The following FBXO28 variants were observed in gnomAD, a reference collection of about 807,000 sequenced individuals.
FBXO28 encodes F-box only protein 28.
In FBXO28, 8 loss-of-function variants were observed where a neutral mutation model predicts 38.1. The observed-to-expected ratio is 0.21, with a 90% CI of 0.12 to 0.38. FBXO28 has a LOEUF of 0.38. Among genes scored for constraint, FBXO28 ranks in the 10% least tolerant of loss-of-function variants. The pLI is 1.00. For synonymous variants in FBXO28, 168 were observed against 173.8 expected (o/e 0.97, Z 0.26); for missense variants, 345 against 460.6 (o/e 0.75, Z 2.30).
At chr1:224,131,450 G>A (rs926703832) in intron 2 of FBXO28, among the ~76,000 whole-genome samples, 2 of 152,156 alleles carry the variant, frequency 1.3e-5, no homozygotes, top group African/African-American at 4.8e-5. Context: ...AATCAAAACA[G>A]TATGGCACTG....
intron 3 of FBXO28, among the ~76,000 whole-genome samples, chr1:224,141,827 G>A (rs936806793): frequency 6.6e-6 from 1 of 152,116 alleles, no homozygotes; most frequent in African/African-American, 2.4e-5. Context: ...TGAGTGGTGA[G>A]TGAATGTGAA....
chr1:224,148,513 T>A (rs1050891389), intron 3 of FBXO28, among the ~76,000 whole-genome samples: 2 of 150,984 alleles, frequency 1.3e-5, no homozygotes, highest in African/African-American at 4.9e-5. Context: ...GAGAAAAAAA[T>A]TCGCCAGGTG....
In FBXO28 at chr1:224,157,676, G is replaced by C. The variant is rs751619060; in HGVS notation, c.1037G>C (p.Arg346Pro). 1 of 1,612,444 alleles carries C rather than the reference G, an allele frequency of 6.2e-7. No homozygotes were observed. Among genetic ancestry groups the C allele is most frequent in the South Asian group, 1.1e-5 (1 of 90,844 alleles). ...SGSGQNEESP[R>P]KRKKATEAID... is the part of the protein sequence containing the mutation. ...TCCGGGCAGAATGAGGAGTCTCCTC[G>C]GAAACGAAAAAAGGCCACGGAAGCC... The change falls in exon 5 of 5, where the codon CGG becomes CCG. Residue 346 changes from arginine to proline, a missense_variant. Coordinates refer to ENST00000366862, the MANE Select transcript of FBXO28 (RefSeq NM_015176.4).
chr1:224,118,942 G>A (rs566259423), intron 1 of FBXO28, among the ~76,000 whole-genome samples: 1 of 152,234 alleles, frequency 6.6e-6, no homozygotes, highest in African/African-American at 2.4e-5. Context: ...AATTCCACTG[G>A]ATACTCGTGA....
intron 3 of FBXO28, among the ~76,000 whole-genome samples, chr1:224,145,070 T>A (rs1454796089): frequency 6.6e-6 from 1 of 151,708 alleles, no homozygotes. Context: ...TCGCTTGAGG[T>A]CAGGCGTTCA....
Position 224,159,357 on chromosome 1 carries a change from G to A in FBXO28, c.*1611G>A, listed in dbSNP as rs182737049. 2.0e-5 allele frequency: 3 copies of A among 151,900 alleles called. No individual in the cohort carries two copies. The highest frequency in any genetic ancestry group is 1.3e-4 in the Admixed American group (2 of 15,192). The allele number at this position is 151,900 out of a possible 1,614,324, so 9.4% of individuals were successfully genotyped here. On this transcript the variant is annotated 3_prime_UTR_variant, in exon 5 of 5. Transcript: ENST00000366862. ...CTTTAGATTAACCTCACCAAATGAA[G>A]CTTTTTCTATCCATTTTTAATATTG...
At chr1:224,155,455 A>G (rs1339446038) in intron 4 of FBXO28, among the ~76,000 whole-genome samples, 1 of 152,114 alleles carries the variant, frequency 6.6e-6, no homozygotes, top group African/African-American at 2.4e-5. Context: ...ATGAGCCACC[A>G]CACCCGGCTG....
intron 2 of FBXO28, 174 bp downstream of exon 2, chr1:224,130,755 AT>A: frequency 2.0e-6 from 1 of 503,990 alleles, no homozygotes; most frequent in Non-Finnish European, 3.6e-6. Flanking sequence ...TGTGATCAAC[AT>A]TTTACTGGAG....
chr1:224,161,309 A>G lies in FBXO28; in HGVS notation c.*3563A>G, dbSNP rs532153107. The G allele has an allele frequency of 1.3e-5, 2 of 152,340 alleles. No individual in the cohort carries two copies. The highest frequency in any genetic ancestry group is 4.8e-5 in the African/African-American group (2 of 41,582). 9.4% of individuals were successfully genotyped at this position (152,340 alleles called of 1,614,324 possible). The stretch of plus-strand genomic sequence containing the variant: ...ATTCTTATATCCTGCTCTAGCAATG[A>G]GTACCCATTTGTTACACTTACCAAA... On this transcript the variant is annotated 3_prime_UTR_variant, in exon 5 of 5. Transcript: ENST00000366862.
At chr1:224,154,700 C>G (rs1035322321) in intron 4 of FBXO28, among the ~76,000 whole-genome samples, 3 of 151,662 alleles carry the variant, frequency 2.0e-5, no homozygotes, top group African/African-American at 7.3e-5. Flanking sequence ...TCCAGCTACT[C>G]AGGAGGCTGA....
At chr1:224,123,706 A>C (rs1469803104) in intron 1 of FBXO28, among the ~76,000 whole-genome samples, 1 of 152,178 alleles carries the variant, frequency 6.6e-6, no homozygotes, top group Non-Finnish European at 1.5e-5. Context: ...GCCAATTATA[A>C]TGCTAAGACA....
chr1:224,134,236 A>G, intron 3 of FBXO28, 24 bp downstream of exon 3: 1 of 1,609,914 alleles, frequency 6.2e-7, no homozygotes, highest in South Asian at 1.1e-5. Context: ...GCTTGCCTAG[A>G]ACAGCTGGAC....
rs374193759 is a variant in FBXO28, at chr1:224,140,803, G to A, written c.516+6591G>A. Among the ~76,000 whole-genome samples the A allele has an allele frequency of 3.4e-4, 52 of 152,000 alleles. No homozygotes were observed. The South Asian group carries it at 9.4e-3, about 27-fold the overall frequency. ...CTACTAAAAATACAAAAAATTAGCCGAGCATGGTGGCACGTGCCTGTAATT... is the reference window on the plus strand; with the variant it reads ...CTACTAAAAATACAAAAAATTAGCCAAGCATGGTGGCACGTGCCTGTAATT... On this transcript the variant is annotated intron_variant, in intron 3 of 4. Transcript: ENST00000366862.
chr1:224,115,993 T>C (rs1446277934), intron 1 of FBXO28, among the ~76,000 whole-genome samples: 1 of 152,188 alleles, frequency 6.6e-6, no homozygotes, highest in Non-Finnish European at 1.5e-5. Flanking sequence ...ATAAATGACA[T>C]CTCTGTCAGG....
At chr1:224,117,975 T>C (rs1656679988) in intron 1 of FBXO28, among the ~76,000 whole-genome samples, 2 of 151,026 alleles carry the variant, frequency 1.3e-5, no homozygotes, top group Non-Finnish European at 2.9e-5. Context: ...AAAACAAGTA[T>C]AGGGAGCTTT....
rs72470456 is a variant in FBXO28, at chr1:224,126,536, C to T, written c.268-3936C>T. 3.3e-3 allele frequency among the ~76,000 whole-genome samples: 502 copies of T among 152,316 alleles called. 3 individuals carry two copies. The highest frequency in any genetic ancestry group is 6.0e-3 in the Admixed American group (92 of 15,286). ...CTGATAACTTAACATATCAAATAGGCTGGGTGCAGTGCTCAACGCCTGTGA... is the reference window on the plus strand; with the variant it reads ...CTGATAACTTAACATATCAAATAGGTTGGGTGCAGTGCTCAACGCCTGTGA... On this transcript the variant is annotated intron_variant, in intron 1 of 4. Coordinates refer to ENST00000366862, the MANE Select transcript of FBXO28 (RefSeq NM_015176.4).
intron 3 of FBXO28, among the ~76,000 whole-genome samples, chr1:224,149,392 T>C (rs1479502163): frequency 2.0e-5 from 3 of 152,076 alleles, no homozygotes; most frequent in South Asian, 2.1e-4. Flanking sequence ...GAGCTCACAG[T>C]GTTGCCCAGG....
At chr1:224,143,828 T>TC (rs1318518313) in intron 3 of FBXO28, among the ~76,000 whole-genome samples, 1 of 114,412 alleles carries the variant, frequency 8.7e-6, no homozygotes, top group African/African-American at 3.6e-5. Context: ...AGAGCAAGAC[T>TC]CCATCTCAAA....
At chr1:224,142,316 C>T (rs1230368580) in intron 3 of FBXO28, among the ~76,000 whole-genome samples, 1 of 147,060 alleles carries the variant, frequency 6.8e-6, no homozygotes, top group African/African-American at 2.5e-5. Flanking sequence ...TATGCCATTG[C>T]ATTCCAGCTT....
Sources: gnomAD v4.1 joint callset for allele counts (sites outside exome capture counted in the v4.1 genomes callset) on GRCh38, gnomAD v4.1.1 for gene constraint, MANE v1.5 for transcripts, NCBI Gene and HGNC (gene_info 2026-07-23, HGNC 2026-07-21) for gene names.